The following CMIP variants were observed in gnomAD, a reference collection of about 807,000 sequenced individuals.
CMIP encodes C-Maf-inducing protein.
CMIP carries 13 observed loss-of-function variants against 97.3 expected under a neutral mutation model. That is an observed-to-expected ratio of 0.13 (90% CI 0.09 to 0.21). The LOEUF (loss-of-function observed/expected upper bound fraction) is 0.21. Ranked by LOEUF, CMIP falls within the 10% of genes least tolerant of loss-of-function variation. The pLI, the probability that CMIP is intolerant of heterozygous loss-of-function variation, is 1.00. For synonymous variants in CMIP, 538 were observed against 436.3 expected (o/e 1.23, Z -2.91); for missense variants, 847 against 1,024.9 (o/e 0.83, Z 2.37).
chr16:81,706,324 A>C (rs2151107874), intron 19 of CMIP, among the ~76,000 whole-genome samples: 1 of 152,230 alleles, frequency 6.6e-6, no homozygotes, highest in Non-Finnish European at 1.5e-5. Flanking sequence ...GGAGTTGGCC[A>C]AGGGGGAGGC....
chr16:81,612,203 G>A (rs1363666488), intron 2 of CMIP, among the ~76,000 whole-genome samples: 1 of 152,192 alleles, frequency 6.6e-6, no homozygotes, highest in Non-Finnish European at 1.5e-5. Context: ...ATCATCTTCT[G>A]GGGGATTCTG....
intron 1 of CMIP, among the ~76,000 whole-genome samples, chr16:81,571,936 C>G (rs982871812): frequency 2.0e-5 from 3 of 152,236 alleles, no homozygotes; most frequent in Non-Finnish European, 4.4e-5. Context: ...CCTCTGCCCC[C>G]ACCCAGCTGC....
At chr16:81,679,737 G>T (rs1555549537) in intron 10 of CMIP, among the ~76,000 whole-genome samples, 1 of 152,060 alleles carries the variant, frequency 6.6e-6, no homozygotes, top group Non-Finnish European at 1.5e-5. Context: ...TGACTCTAGG[G>T]TGGAGGGGAG....
intron 1 of CMIP, among the ~76,000 whole-genome samples, chr16:81,568,044 T>G (rs1406041685): frequency 2.0e-5 from 3 of 149,220 alleles, no homozygotes; most frequent in African/African-American, 4.9e-5. Context: ...TGTGTGTTTT[T>G]TTTTTTTTTT....
At chr16:81,638,702 T>G (rs2092267213) in intron 3 of CMIP, among the ~76,000 whole-genome samples, 1 of 151,972 alleles carries the variant, frequency 6.6e-6, no homozygotes, top group South Asian at 2.1e-4. Context: ...TTCAAAATCT[T>G]AACTTAAAAC....
At chr16:81,604,932 T>A (rs1321573504) in intron 1 of CMIP, among the ~76,000 whole-genome samples, 1 of 152,200 alleles carries the variant, frequency 6.6e-6, no homozygotes, top group Non-Finnish European at 1.5e-5. Context: ...AGGAAATTAG[T>A]AATCACCTCC....
chr16:81,695,060 G>C (rs1490456405), intron 13 of CMIP, among the ~76,000 whole-genome samples: 1 of 152,196 alleles, frequency 6.6e-6, no homozygotes, highest in African/African-American at 2.4e-5. Flanking sequence ...CTGCTTCTCA[G>C]AGTAGAGAGG....
intron 3 of CMIP, among the ~76,000 whole-genome samples, chr16:81,629,574 C>G (rs1422253711): frequency 6.6e-6 from 1 of 152,224 alleles, no homozygotes; most frequent in Non-Finnish European, 1.5e-5. Context: ...CCTTTTCGAC[C>G]TTTTTACGAT....
chr16:81,454,638 G>C (rs887792166), intron 1 of CMIP, among the ~76,000 whole-genome samples: 1 of 152,224 alleles, frequency 6.6e-6, no homozygotes, highest in Non-Finnish European at 1.5e-5. Flanking sequence ...CACTGTTCTT[G>C]CATAGTGAGT....
rs925894202 is a variant in CMIP at position 81,453,589 on chromosome 16, C to T, written c.300+8048C>T. On this transcript the variant is annotated intron_variant, in intron 1 of 20. Coordinates refer to ENST00000537098, the MANE Select transcript of CMIP (RefSeq NM_198390.3). The surrounding 1 kb of genome is among the most constrained non-coding windows in gnomAD (Gnocchi z 4.0). ...TGGACTAGGTGACCCTGTTTACCAACACACACACCGGTGCGAGGCTCTGCA... is the reference window on the plus strand; with the variant it reads ...TGGACTAGGTGACCCTGTTTACCAATACACACACCGGTGCGAGGCTCTGCA... Among the ~76,000 whole-genome samples the T allele has an allele frequency of 3.3e-5, 5 of 152,210 alleles. No individual in the cohort carries two copies. Among genetic ancestry groups the T allele is most frequent in the African/African-American group, 1.2e-4 (5 of 41,452 alleles).
intron 1 of CMIP, among the ~76,000 whole-genome samples, chr16:81,489,808 T>C (rs1237654261): frequency 6.6e-6 from 1 of 152,264 alleles, no homozygotes; most frequent in Non-Finnish European, 1.5e-5. Context: ...ATGCCAACTC[T>C]GGCAGGAGGA....
At chr16:81,522,667 GATT>G (rs2150809072) in intron 1 of CMIP, among the ~76,000 whole-genome samples, 1 of 152,306 alleles carries the variant, frequency 6.6e-6, no homozygotes, top group East Asian at 1.9e-4. Flanking sequence ...AAGCCACAAA[GATT>G]AGTATCATAA....
intron 1 of CMIP, among the ~76,000 whole-genome samples, chr16:81,591,907 C>T (rs1169452432): frequency 5.3e-5 from 8 of 151,770 alleles, no homozygotes; most frequent in Non-Finnish European, 1.2e-4. Context: ...TCACTGCACC[C>T]TCCACCTCCC....
chr16:81,677,640 A>G (rs8055386), intron 9 of CMIP, among the ~76,000 whole-genome samples: 51,971 of 152,126 alleles, frequency 0.34, 9,214 homozygotes, highest in African/African-American at 0.43. Context: ...ATAATGCCAT[A>G]GAGCCCCTTT....
At chr16:81,504,396 A>G (rs770688017) in intron 1 of CMIP, among the ~76,000 whole-genome samples, 2 of 151,940 alleles carry the variant, frequency 1.3e-5, no homozygotes, top group South Asian at 4.2e-4. Flanking sequence ...TAATCTTAGC[A>G]CTTTGGGAGG....
At chr16:81,668,487 C>A (rs1378844536) in intron 7 of CMIP, among the ~76,000 whole-genome samples, 1 of 152,182 alleles carries the variant, frequency 6.6e-6, no homozygotes, top group African/African-American at 2.4e-5. Flanking sequence ...TGCCGTGGCC[C>A]CTGTCTTCCT....
intron 1 of CMIP, among the ~76,000 whole-genome samples, chr16:81,470,529 G>A (rs1027212757): frequency 3.3e-5 from 5 of 152,260 alleles, no homozygotes; most frequent in African/African-American, 9.6e-5. Context: ...ATCTGAGCAG[G>A]CGCTGCTGAC....
chr16:81,538,445 G>A (rs2090388211), intron 1 of CMIP, among the ~76,000 whole-genome samples: 1 of 152,230 alleles, frequency 6.6e-6, no homozygotes, highest in South Asian at 2.1e-4. Flanking sequence ...TGTGCTGTGG[G>A]TTAGCTTTTT....
At chr16:81,502,495 G>A (rs141308027) in intron 1 of CMIP, among the ~76,000 whole-genome samples, 84 of 152,304 alleles carry the variant, frequency 5.5e-4, no homozygotes, top group African/African-American at 2.0e-3. Flanking sequence ...CCCGCAGAAC[G>A]GAGATGTCCT....
Sources: gnomAD v4.1 joint callset for allele counts (sites outside exome capture counted in the v4.1 genomes callset) on GRCh38, gnomAD v4.1.1 for gene constraint, Gnocchi (gnomAD v3.1) non-coding constraint, MANE v1.5 for transcripts, NCBI Gene and HGNC (gene_info 2026-07-23, HGNC 2026-07-21) for gene names.